Variants in KHDRBS2 observed in about 807,000 individuals in gnomAD.
KHDRBS2 encodes KH RNA binding domain containing, signal transduction associated 2.
A neutral mutation model predicts 44.3 loss-of-function variants in KHDRBS2; 26 were observed. The ratio of observed to expected loss-of-function variants is 0.59; its 90% CI spans 0.43 to 0.81. The LOEUF (loss-of-function observed/expected upper bound fraction) is 0.81. Ranked by LOEUF, KHDRBS2 falls within the 40% of genes least tolerant of loss-of-function variation. KHDRBS2 has a pLI of 0.00. For missense variants in KHDRBS2, 476 were observed against 433.1 expected (o/e 1.10, Z -0.88); for synonymous variants, 194 against 151.1 (o/e 1.28, Z -2.08).
In KHDRBS2 at chr6:62,023,508, C is replaced by T. The variant is rs550764115; in HGVS notation, c.336+24370G>A. On this transcript the variant is annotated intron_variant, in intron 3 of 8. Coordinates refer to ENST00000281156, the MANE Select transcript of KHDRBS2 (RefSeq NM_152688.4). ...TTCTTGTTTAGCTAAGAGAAAATAA[C>T]CCCAAACAATAATTTATGTGGAAAG... 4.6e-5 allele frequency among the ~76,000 whole-genome samples: 7 copies of T among 151,480 alleles called. No homozygotes were observed. The South Asian group carries it at 1.5e-3, about 32-fold the overall frequency.
intron 4 of KHDRBS2, among the ~76,000 whole-genome samples, chr6:61,975,680 C>CACGCACAG (rs148696826): frequency 1.3e-5 from 2 of 149,744 alleles, no homozygotes; most frequent in South Asian, 2.1e-4. Context: ...CACACACACA[C>CACGCACAG]AGAGAGATAT....
chr6:61,822,403 A>G (rs1440551665), intron 6 of KHDRBS2, among the ~76,000 whole-genome samples: 1 of 151,792 alleles, frequency 6.6e-6, no homozygotes. Context: ...TATTTCATGA[A>G]TCTCTTGACT....
intron 3 of KHDRBS2, among the ~76,000 whole-genome samples, chr6:62,029,852 G>A (rs577072784): frequency 2.1e-4 from 32 of 151,998 alleles, no homozygotes; most frequent in Non-Finnish European, 3.2e-4. Flanking sequence ...ATTATATATA[G>A]ATATTGCATT....
intron 4 of KHDRBS2, among the ~76,000 whole-genome samples, chr6:61,976,579 T>A (rs1772718275): frequency 6.6e-6 from 1 of 152,152 alleles, no homozygotes; most frequent in Non-Finnish European, 1.5e-5. Context: ...CCATTAATAT[T>A]CTGCTTTATA....
At chr6:61,839,516 G>A (rs368664889) in intron 6 of KHDRBS2, among the ~76,000 whole-genome samples, 3 of 152,088 alleles carry the variant, frequency 2.0e-5, no homozygotes, top group Admixed American at 6.6e-5. Flanking sequence ...TTGTTGGTTA[G>A]GTTCAAACAT....
intron 6 of KHDRBS2, among the ~76,000 whole-genome samples, chr6:61,784,746 T>A (rs1192064): frequency 0.64 from 97,562 of 152,050 alleles, 32,024 homozygotes; most frequent in African/African-American, 0.79. Context: ...AATGTTTTCT[T>A]AAAAAATTCT....
intron 3 of KHDRBS2, among the ~76,000 whole-genome samples, chr6:62,005,134 T>C (rs1778980810): frequency 6.6e-6 from 1 of 152,134 alleles, no homozygotes; most frequent in Admixed American, 6.6e-5. Flanking sequence ...GGTGTATATA[T>C]CATATTAATG....
intron 6 of KHDRBS2, among the ~76,000 whole-genome samples, chr6:61,767,957 C>T (rs1001294308): frequency 2.6e-5 from 4 of 152,026 alleles, no homozygotes; most frequent in African/African-American, 4.8e-5. Context: ...TGTGTACTTA[C>T]TATTACCCAA....
At chr6:61,629,497 G>A in the KHDRBS2 span, among the ~76,000 whole-genome samples, 3 of 152,198 alleles carry the variant, frequency 2.0e-5, no homozygotes, top group African/African-American at 4.8e-5. Context: ...AAAGATACAC[G>A]ATTCAGCATT....
chr6:61,894,570 G>C, intron 6 of KHDRBS2, 65 bp downstream of exon 6: 1 of 1,304,496 alleles, frequency 7.7e-7, no homozygotes, highest in African/African-American at 1.5e-5. Flanking sequence ...TGAACAGTTT[G>C]AGACGTAGCT....
chr6:61,938,979 C>T (rs971094629), intron 4 of KHDRBS2, among the ~76,000 whole-genome samples: 1 of 152,008 alleles, frequency 6.6e-6, no homozygotes, highest in African/African-American at 2.4e-5. Context: ...TCAGTGGAGG[C>T]TATTTGCCTC....
chr6:62,059,405 A>G (rs567555282), intron 2 of KHDRBS2, among the ~76,000 whole-genome samples: 6 of 151,406 alleles, frequency 4.0e-5, no homozygotes, highest in Middle Eastern at 3.4e-3. Context: ...TCGATAAATG[A>G]TAATGGGAAC....
chr6:62,088,817 C>T (rs1343326086), intron 2 of KHDRBS2, among the ~76,000 whole-genome samples: 1 of 152,160 alleles, frequency 6.6e-6, no homozygotes, highest in Non-Finnish European at 1.5e-5. Flanking sequence ...AAGCTGCGAC[C>T]GTAGCCACCC....
intron 4 of KHDRBS2, among the ~76,000 whole-genome samples, chr6:61,920,917 C>T (rs562974163): frequency 3.2e-3 from 488 of 151,868 alleles, no homozygotes; most frequent in Non-Finnish European, 5.5e-3. Context: ...CAAGTCCCTC[C>T]ATAAAGGCAA....
At chr6:61,771,563 A>G (rs545464895) in intron 6 of KHDRBS2, among the ~76,000 whole-genome samples, 2 of 152,194 alleles carry the variant, frequency 1.3e-5, no homozygotes, top group Admixed American at 6.5e-5. Context: ...CAGACTTTAA[A>G]CCACCAAAGA....
chr6:62,077,455 T>G (rs976679949), intron 2 of KHDRBS2, among the ~76,000 whole-genome samples: 1 of 152,110 alleles, frequency 6.6e-6, no homozygotes. Context: ...TATGTACGTC[T>G]GCATTCCTAG....
At chr6:61,605,880 C>T in the KHDRBS2 span, among the ~76,000 whole-genome samples, 5 of 152,196 alleles carry the variant, frequency 3.3e-5, no homozygotes, top group Non-Finnish European at 7.3e-5. Context: ...TCCATGTATA[C>T]ATCCAGATGG....
At chr6:62,126,461 T>C (rs1258026303) in intron 2 of KHDRBS2, among the ~76,000 whole-genome samples, 1 of 152,176 alleles carries the variant, frequency 6.6e-6, no homozygotes. Flanking sequence ...CTGCTGATTG[T>C]AGAACCCTAG....
intron 1 of KHDRBS2, among the ~76,000 whole-genome samples, chr6:62,212,623 A>C (rs1829261148): frequency 6.6e-6 from 1 of 152,190 alleles, no homozygotes; most frequent in African/African-American, 2.4e-5. Context: ...ACAAGCAAAG[A>C]GAGAATGCCA....
Sources: gnomAD v4.1 joint callset for allele counts (sites outside exome capture counted in the v4.1 genomes callset) on GRCh38, gnomAD v4.1.1 for gene constraint, MANE v1.5 for transcripts, NCBI Gene and HGNC (gene_info 2026-07-23, HGNC 2026-07-21) for gene names.